The following SEC24A variants were observed in gnomAD, a reference collection of about 807,000 sequenced individuals.
SEC24A encodes the protein protein transport protein Sec24A.
SEC24A carries 93 observed loss-of-function variants against 129.4 expected under a neutral mutation model. The ratio of observed to expected loss-of-function variants is 0.72; its 90% confidence interval spans 0.61 to 0.85. The LOEUF (loss-of-function observed/expected upper bound fraction) is 0.85. Ranked by LOEUF, SEC24A falls within the 40% of genes least tolerant of loss-of-function variation. The probability of loss-of-function intolerance (pLI) is 0.00; values close to 1 mark genes in which losing one functional copy is unlikely to be tolerated. For synonymous variants in SEC24A, 460 were observed against 467.3 expected, an observed-to-expected ratio of 0.98 and a Z score of 0.20; for missense variants, 1,264 against 1,307.4, an observed-to-expected ratio of 0.97 and a Z score of 0.51.
At chr5:134,691,250 G>C (rs1050283248) in intron 11 of SEC24A, among the ~76,000 whole-genome samples, 3 of 147,390 alleles carry the variant, frequency 2.0e-5, no homozygotes, top group African/African-American at 7.6e-5. Context: ...GTGGCTCACT[G>C]CAAACTCTGC....
intron 3 of SEC24A, among the ~76,000 whole-genome samples, chr5:134,670,850 G>A (rs115233886): frequency 2.0e-4 from 30 of 152,036 alleles, no homozygotes; most frequent in Non-Finnish European, 2.6e-4. Context: ...TTAGCCAGGC[G>A]TGGTGACGGG....
chr5:134,686,957 A>G lies in SEC24A; in HGVS notation c.1604+55A>G, dbSNP rs1453845534. 5 of 981,662 alleles carry G rather than the reference A, an allele frequency of 5.1e-6. No homozygotes were observed. The East Asian group carries it at 1.3e-4, about 26-fold the overall frequency. 60.8% of individuals were successfully genotyped at this position (981,662 alleles called of 1,614,324 possible). On this transcript the variant is annotated intron_variant, in intron 10 of 22. Transcript: ENST00000398844. ...AACTAATAATATTTTCTAAATGAAT[A>G]AGTAGTTTTTGAAATTAAAAAATAA...
intron 4 of SEC24A, among the ~76,000 whole-genome samples, chr5:134,673,103 T>C (rs191959699): frequency 6.6e-6 from 1 of 150,662 alleles, no homozygotes; most frequent in Non-Finnish European, 1.5e-5. Flanking sequence ...TCGCCCAGAT[T>C]GGAGTGCAGT....
At chr5:134,718,023 A>G (rs754676024) in intron 19 of SEC24A, 46 bp from the exon 20 acceptor site, 36 of 1,430,374 alleles carry the variant, frequency 2.5e-5, no homozygotes, top group Non-Finnish European at 3.2e-5. Context: ...CTGTGACTCC[A>G]TATTTCCTAT....
At chr5:134,678,907 G>T (rs1208461081) in intron 7 of SEC24A, among the ~76,000 whole-genome samples, 2 of 151,654 alleles carry the variant, frequency 1.3e-5, no homozygotes, top group Non-Finnish European at 2.9e-5. Flanking sequence ...TAGAGACAGG[G>T]TCTTACTTTC....
At chr5:134,689,566 TC>T (rs1751564869) in intron 11 of SEC24A, among the ~76,000 whole-genome samples, 1 of 152,000 alleles carries the variant, frequency 6.6e-6, no homozygotes, top group African/African-American at 2.4e-5. Flanking sequence ...ATCAAGACCA[TC>T]CTGGCCAACA....
chr5:134,707,933 A>G (rs916360809), intron 17 of SEC24A, among the ~76,000 whole-genome samples: 8 of 152,038 alleles, frequency 5.3e-5, no homozygotes, highest in East Asian at 1.9e-4. Flanking sequence ...GTGAAACCCT[A>G]TTTCTACTAA....
chr5:134,654,391 T>G (rs1233649522), intron 1 of SEC24A, among the ~76,000 whole-genome samples: 1 of 151,648 alleles, frequency 6.6e-6, no homozygotes, highest in African/African-American at 2.4e-5. Context: ...TCAGCTAATT[T>G]TTGTATATTT....
At chr5:134,667,646 T>G (rs1217204143) in intron 3 of SEC24A, among the ~76,000 whole-genome samples, 1 of 115,660 alleles carries the variant, frequency 8.6e-6, no homozygotes, top group African/African-American at 3.5e-5. Context: ...AGAACCAGAC[T>G]CCGTCTCAAA....
chr5:134,656,678 C>T (rs1287349703), intron 1 of SEC24A, among the ~76,000 whole-genome samples: 2 of 151,876 alleles, frequency 1.3e-5, no homozygotes, highest in Non-Finnish European at 2.9e-5. Context: ...CGGGGTTTCA[C>T]CGTGTTGGTC....
At chr5:134,658,099 T>C (rs1482188276) in intron 1 of SEC24A, among the ~76,000 whole-genome samples, 3 of 152,062 alleles carry the variant, frequency 2.0e-5, no homozygotes, top group Non-Finnish European at 4.4e-5. Context: ...TGAAATCCCG[T>C]CTCTACTAAA....
At chr5:134,696,716 T>C (rs2150099901) in intron 13 of SEC24A, among the ~76,000 whole-genome samples, 1 of 151,998 alleles carries the variant, frequency 6.6e-6, no homozygotes, top group East Asian at 1.9e-4. Context: ...GCCAGGATGG[T>C]CTCGATCTCC....
chr5:134,725,189 G>C lies in SEC24A; in HGVS notation c.*95G>C. Reference sequence around the variant, plus strand: ...ACCTTCTTTTTCTATTATGTTTGTGGACTAATGTGATGATTGAGATGTTCT... The same window carrying C: ...ACCTTCTTTTTCTATTATGTTTGTGCACTAATGTGATGATTGAGATGTTCT... On this transcript the variant is annotated 3_prime_UTR_variant, in exon 23 of 23. Coordinates refer to ENST00000398844, the MANE Select transcript of SEC24A (RefSeq NM_021982.3). The C allele has an allele frequency of 1.5e-6, 1 of 655,066 alleles. No homozygotes were observed. The highest frequency in any genetic ancestry group is 2.8e-5 in the East Asian group (1 of 35,988). The allele number at this position is 655,066 out of a possible 1,614,324, so 40.6% of individuals were successfully genotyped here.
intron 18 of SEC24A, among the ~76,000 whole-genome samples, chr5:134,711,631 C>T (rs1217241253): frequency 1.2e-4 from 18 of 144,434 alleles, no homozygotes; most frequent in South Asian, 4.3e-4. Flanking sequence ...GTGGCGATCT[C>T]GGCTCACTAC....
chr5:134,694,008 T>G, intron 13 of SEC24A, 75 bp downstream of exon 13: 1 of 1,223,644 alleles, frequency 8.2e-7, no homozygotes, highest in Non-Finnish European at 1.2e-6. Flanking sequence ...TTGTTTTTTC[T>G]TTAAATTTAT....
chr5:134,698,093 T>C (rs773263993), intron 15 of SEC24A, 36 bp downstream of exon 15: 1 of 1,546,302 alleles, frequency 6.5e-7, no homozygotes, highest in South Asian at 1.2e-5. Context: ...GACTGAATAA[T>C]ATTTTTGGTT....
chr5:134,678,349 G>T (rs1308399011), intron 7 of SEC24A, among the ~76,000 whole-genome samples: 1 of 151,692 alleles, frequency 6.6e-6, no homozygotes, highest in Non-Finnish European at 1.5e-5. Flanking sequence ...TAGTTTCATT[G>T]GTCATATATT....
chr5:134,685,366 T>TAA (rs765501527), intron 9 of SEC24A, among the ~76,000 whole-genome samples: 1 of 138,562 alleles, frequency 7.2e-6, no homozygotes. Flanking sequence ...ACCTTCTCTC[T>TAA]AAAAAAAAAA....
intron 2 of SEC24A, among the ~76,000 whole-genome samples, chr5:134,662,376 G>T (rs559602427): frequency 6.6e-6 from 1 of 151,920 alleles, no homozygotes; most frequent in African/African-American, 2.4e-5. Flanking sequence ...GGATGGTCTC[G>T]ATCTCCTGAC....
Sources: allele counts gnomAD v4.1 joint callset (sites outside exome capture counted in the v4.1 genomes callset), GRCh38; gene constraint gnomAD v4.1.1; transcripts MANE v1.5; gene names NCBI Gene and HGNC (gene_info 2026-07-23, HGNC 2026-07-21).